SLCO3A1: variants seen among roughly 807,000 people sequenced by gnomAD.
The protein encoded by SLCO3A1 is solute carrier organic anion transporter family member 3A1, also known as PGE1 transporter.
Under a neutral mutation model 63.1 loss-of-function variants are expected in SLCO3A1, and 27 were observed. The ratio of observed to expected loss-of-function variants is 0.43; its 90% CI spans 0.32 to 0.59. SLCO3A1 has a LOEUF of 0.59. SLCO3A1 is among the 20% of genes least tolerant of loss of function. The pLI is 0.09. For missense variants in SLCO3A1, 773 were observed against 945.8 expected (o/e 0.82, Z 2.40); for synonymous variants, 473 against 409.9 (o/e 1.15, Z -1.86).
chr15:92,050,780 T>A (rs2151496795), intron 2 of SLCO3A1, among the ~76,000 whole-genome samples: 1 of 152,322 alleles, frequency 6.6e-6, no homozygotes, highest in Non-Finnish European at 1.5e-5. Context: ...CCCTGACTGC[T>A]TATCACAACT....
At chr15:92,082,998 G>C (rs778597116) in intron 2 of SLCO3A1, among the ~76,000 whole-genome samples, 15 of 152,204 alleles carry the variant, frequency 9.9e-5, no homozygotes, top group Admixed American at 2.6e-4. Flanking sequence ...GAGAATGATT[G>C]ACCTTGAATA....
intron 2 of SLCO3A1, among the ~76,000 whole-genome samples, chr15:91,920,371 G>T (rs1264909852): frequency 1.3e-5 from 2 of 152,200 alleles, no homozygotes; most frequent in African/African-American, 4.8e-5. Context: ...GCAGGAGCCA[G>T]GAAGGTGGGA....
At chr15:91,962,131 C>T (rs1490923975) in intron 2 of SLCO3A1, among the ~76,000 whole-genome samples, 2 of 152,098 alleles carry the variant, frequency 1.3e-5, no homozygotes, top group African/African-American at 2.4e-5. Flanking sequence ...CAGAAGATGC[C>T]GCAGACTGCA....
chr15:92,100,213 C>CTT (rs2047588697), intron 3 of SLCO3A1, among the ~76,000 whole-genome samples: 1 of 152,196 alleles, frequency 6.6e-6, no homozygotes, highest in Non-Finnish European at 1.5e-5. Flanking sequence ...GTGTATGGCT[C>CTT]TTTGCTCTAC....
chr15:91,854,172 C>T lies in SLCO3A1; in HGVS notation c.180+84C>T. 1.6e-6 allele frequency: 2 copies of T among 1,232,146 alleles called. No homozygotes were observed. Among genetic ancestry groups the T allele is most frequent in the Non-Finnish European group, 2.1e-6 (2 of 960,276 alleles). 76.3% of individuals were successfully genotyped at this position (1,232,146 alleles called of 1,614,324 possible). On this transcript the variant is annotated intron_variant, in intron 1 of 9. Coordinates refer to ENST00000318445, the MANE Select transcript of SLCO3A1 (RefSeq NM_013272.4). The surrounding 1 kb of genome is among the most constrained non-coding windows in gnomAD (Gnocchi z 6.4). ...CGCCTGGCCCGACGAGGGGGCCGCC[C>T]GGCGCTGGGGGCAGGCGGGCATGAC...
chr15:92,104,316 C>A lies in SLCO3A1; in HGVS notation c.783C>A (p.Ile261=), dbSNP rs759026964. The change falls in exon 4 of 10, where the codon ATC becomes ATA. Residue 261 remains isoleucine, a synonymous_variant. Transcript: ENST00000318445. ...LDITPDDPRW[I]GAWWGGFLLC... is the part of the protein sequence containing the mutation. ...TCACTCCGGACGACCCCCGCTGGAT[C>A]GGAGCCTGGTGGGGTGGCTTTCTGC... 1.2e-6 allele frequency: 2 copies of A among 1,614,182 alleles called. No homozygotes were observed. Among genetic ancestry groups the A allele is most frequent in the Non-Finnish European group, 1.7e-6 (2 of 1,180,022 alleles).
intron 2 of SLCO3A1, among the ~76,000 whole-genome samples, chr15:92,083,443 A>G (rs767117407): frequency 6.6e-6 from 1 of 152,176 alleles, no homozygotes; most frequent in Non-Finnish European, 1.5e-5. Context: ...GTTTGAGTGC[A>G]GGGCAGCGTG....
chr15:92,116,841 G>A (rs1250457673), intron 4 of SLCO3A1, among the ~76,000 whole-genome samples: 2 of 152,116 alleles, frequency 1.3e-5, no homozygotes, highest in Admixed American at 6.5e-5. Context: ...GAAGGAAATA[G>A]CGAACCCAAG....
chr15:92,011,489 ATAAAAATT>A (rs1319001085), intron 2 of SLCO3A1, among the ~76,000 whole-genome samples: 1 of 136,836 alleles, frequency 7.3e-6, no homozygotes, highest in Non-Finnish European at 1.7e-5. Context: ...TTAAAAAAAG[ATAAAAATT>A]TAAACACATG....
intron 2 of SLCO3A1, among the ~76,000 whole-genome samples, chr15:92,019,525 A>G (rs1597227363): frequency 6.6e-6 from 1 of 152,338 alleles, no homozygotes. Flanking sequence ...GGTGGTGTTT[A>G]AGGTACGACA....
At chr15:92,169,944 C>G (rs184468752), downstream of SLCO3A1, among the ~76,000 whole-genome samples, 2 of 152,268 alleles carry the variant, frequency 1.3e-5, no homozygotes, top group Admixed American at 1.3e-4. Context: ...GTAATAGTGA[C>G]TCAGGTCAAC....
chr15:91,993,830 T>C (rs932191679), intron 2 of SLCO3A1, among the ~76,000 whole-genome samples: 1 of 152,238 alleles, frequency 6.6e-6, no homozygotes, highest in Admixed American at 6.5e-5. Context: ...CCTGCTCTCT[T>C]GGATCGCTTG....
chr15:91,986,703 G>T (rs1026402324), intron 2 of SLCO3A1, among the ~76,000 whole-genome samples: 5 of 152,180 alleles, frequency 3.3e-5, no homozygotes, highest in African/African-American at 1.2e-4. Flanking sequence ...CCCCAGAGGG[G>T]ATCATGGCCT....
chr15:92,025,961 G>A (rs1258906522), intron 2 of SLCO3A1, among the ~76,000 whole-genome samples: 1 of 152,210 alleles, frequency 6.6e-6, no homozygotes, highest in Non-Finnish European at 1.5e-5. Context: ...GAGCTAGAGT[G>A]ATCTGCTGTT....
At chr15:92,131,485 C>T (rs977233683) in intron 7 of SLCO3A1, among the ~76,000 whole-genome samples, 1 of 144,242 alleles carries the variant, frequency 6.9e-6, no homozygotes, top group Non-Finnish European at 1.5e-5. Context: ...CTGCCTCAGC[C>T]TCCCAAGTAG....
intron 7 of SLCO3A1, among the ~76,000 whole-genome samples, chr15:92,143,354 C>CATATATATATATATATATTATATTTT (rs367627607): frequency 9.6e-5 from 2 of 20,848 alleles, no homozygotes; most frequent in African/African-American, 3.3e-4. Flanking sequence ...ACTCAGTCAA[C>CATATATATATATATATATTATATTTT]ATACATATAT....
chr15:92,047,001 A>G (rs2046872774), intron 2 of SLCO3A1, among the ~76,000 whole-genome samples: 1 of 87,214 alleles, frequency 1.1e-5, no homozygotes, highest in Non-Finnish European at 2.2e-5. Context: ...ATAAATATAT[A>G]TATATAAATA....
intron 2 of SLCO3A1, among the ~76,000 whole-genome samples, chr15:92,067,487 A>C (rs1421642701): frequency 6.6e-6 from 1 of 152,158 alleles, no homozygotes; most frequent in Admixed American, 6.5e-5. Context: ...ATCTTTGTCT[A>C]CTCGTCTTCC....
chr15:91,990,103 G>A (rs756086246), intron 2 of SLCO3A1, among the ~76,000 whole-genome samples: 19 of 152,252 alleles, frequency 1.2e-4, no homozygotes, highest in South Asian at 2.1e-4. Flanking sequence ...GCGGGAGGGC[G>A]GAAGAGATGG....
Sources: allele counts gnomAD v4.1 joint callset (sites outside exome capture counted in the v4.1 genomes callset), GRCh38; gene constraint gnomAD v4.1.1; non-coding constraint Gnocchi (gnomAD v3.1); transcripts MANE v1.5; gene names NCBI Gene and HGNC (gene_info 2026-07-23, HGNC 2026-07-21).